Variants in SNAPC3 observed in about 807,000 individuals in gnomAD.
SNAPC3 encodes small nuclear RNA activating complex polypeptide 3.
SNAPC3 carries 56 observed loss-of-function variants against 47.7 expected under a neutral mutation model. The ratio of observed to expected loss-of-function variants is 1.18; its 90% CI spans 0.95 to 1.47. The LOEUF (loss-of-function observed/expected upper bound fraction) is 1.47, where lower values mean the gene tolerates loss of function less well. Among genes scored for constraint, SNAPC3 ranks in the 40% most tolerant of loss-of-function variants. The probability of loss-of-function intolerance (pLI) is 0.00; values close to 1 mark genes in which losing one functional copy is unlikely to be tolerated. For synonymous variants in SNAPC3, 235 were observed against 189.9 expected, an observed-to-expected ratio of 1.24 and a Z score of -1.95; for missense variants, 665 against 511.3, an observed-to-expected ratio of 1.30 and a Z score of -2.90.
intron 5 of SNAPC3, among the ~76,000 whole-genome samples, chr9:15,451,112 TG>T (rs1189140155): frequency 6.6e-6 from 1 of 152,204 alleles, no homozygotes; most frequent in Non-Finnish European, 1.5e-5. Context: ...GATTTCTAAT[TG>T]GGTTCCTTTC....
Position 15,444,522 on chromosome 9 carries a change from C to T in SNAPC3, c.478-80C>T, listed in dbSNP as rs2033767862. ...AACCCAAGGCTGCTTGACTCGATCC[C>T]TTGCTGATAGCCATTGTACCACACT... is the stretch of plus-strand genomic sequence containing the variant. On this transcript the variant is annotated intron_variant, in intron 3 of 8. Transcript: ENST00000380821. 3.5e-6 allele frequency: 3 copies of T among 864,378 alleles called. No individual in the cohort carries two copies. In the South Asian group the frequency reaches 4.6e-5, roughly 13 times the overall value. 53.5% of individuals were successfully genotyped at this position (864,378 alleles called of 1,614,324 possible). A position where few individuals can be genotyped will look rare whatever the true frequency, so the allele number is the denominator to read the frequency against.
At chr9:15,465,536 G>A (rs2035561995), downstream of SNAPC3, 4 of 1,577,422 alleles carry the variant, frequency 2.5e-6, no homozygotes, top group East Asian at 9.0e-5. Flanking sequence ...ATCTAGTGTA[G>A]AATCCTTCAG....
At chr9:15,464,899 C>G (rs2035507326), downstream of SNAPC3, 1 of 214,664 alleles carries the variant, frequency 4.7e-6, no homozygotes, top group African/African-American at 2.3e-5. Context: ...ATTCTCAGTT[C>G]CATGTCAGTT....
chr9:15,440,524 C>A (rs577133616), intron 3 of SNAPC3, among the ~76,000 whole-genome samples: 1 of 151,806 alleles, frequency 6.6e-6, no homozygotes, highest in South Asian at 2.1e-4. Context: ...AAAAGAAAAA[C>A]AAAAGTAAAA....
At position 15,423,068 on chromosome 9, in the gene SNAPC3, G is replaced by T; in HGVS notation, c.189G>T (p.Leu63=). The change falls in exon 1 of 9, where the codon CTG becomes CTT. Residue 63 remains leucine (L), a synonymous_variant. Transcript: ENST00000380821. ...GRLRGAGDLS[L]REPPASALPG... ...TGCGCGGGGCCGGGGACTTGTCGCT[G>T]AGGGAGCCGCCGGCATCCGCTCTGC... 3 of 1,517,666 alleles carry T rather than the reference G, an allele frequency of 2.0e-6. No homozygotes were observed. The highest frequency in any genetic ancestry group is 2.6e-6 in the Non-Finnish European group (3 of 1,141,572). The allele number at this position is 1,517,666 out of a possible 1,614,324, so 94.0% of individuals were successfully genotyped here. A position where few individuals can be genotyped will look rare whatever the true frequency, so the allele number is the denominator to read the frequency against.
chr9:15,465,372 T>G (rs2035546363), downstream of SNAPC3: 1 of 661,074 alleles, frequency 1.5e-6, no homozygotes. Context: ...AATGTTTACT[T>G]TACTTTAAAA....
downstream of SNAPC3, chr9:15,463,778 C>T (rs1395279128): frequency 6.6e-6 from 1 of 152,178 alleles, no homozygotes; most frequent in Non-Finnish European, 1.5e-5. Context: ...TCAGCCTGTA[C>T]AAGCTGACAT....
intron 2 of SNAPC3, among the ~76,000 whole-genome samples, chr9:15,425,409 G>A (rs901652554): frequency 6.6e-5 from 10 of 151,938 alleles, no homozygotes; most frequent in Admixed American, 1.3e-4. Flanking sequence ...TTGTAGAGAC[G>A]GGTTTCACCA....
At chr9:15,430,330 G>T (rs747556767) in intron 2 of SNAPC3, among the ~76,000 whole-genome samples, 13 of 152,168 alleles carry the variant, frequency 8.5e-5, no homozygotes, top group Non-Finnish European at 1.2e-4. Flanking sequence ...TACTCAGGAA[G>T]CCAGGGTGGA....
At chr9:15,452,322 A>AT (rs35695129) in intron 6 of SNAPC3, among the ~76,000 whole-genome samples, 86,020 of 140,408 alleles carry the variant, frequency 0.61, 27,292 homozygotes, top group African/African-American at 0.68. Context: ...TGGTTTCAGC[A>AT]TTTTTTTTTT....
chr9:15,457,537 G>A (rs1485324290), intron 7 of SNAPC3, among the ~76,000 whole-genome samples: 1 of 152,138 alleles, frequency 6.6e-6, no homozygotes, highest in Non-Finnish European at 1.5e-5. Context: ...TGAGGCTACA[G>A]TAAGCCAAGA....
chr9:15,437,757 T>A (rs2032967142), intron 3 of SNAPC3, among the ~76,000 whole-genome samples: 1 of 152,034 alleles, frequency 6.6e-6, no homozygotes, highest in Non-Finnish European at 1.5e-5. Flanking sequence ...AAAATTGTAA[T>A]CATAAAAAGT....
intron 3 of SNAPC3, among the ~76,000 whole-genome samples, chr9:15,438,149 A>G (rs1183938396): frequency 6.6e-6 from 1 of 151,662 alleles, no homozygotes; most frequent in East Asian, 1.9e-4. Flanking sequence ...TGCTGATTCA[A>G]CCTCCTTACT....
chr9:15,423,217 T>C, intron 1 of SNAPC3, 24 bp downstream of exon 1: 2 of 1,554,800 alleles, frequency 1.3e-6, no homozygotes. Flanking sequence ...AAAGGGGCTC[T>C]TGCAGCTTGG....
At position 15,432,229 on chromosome 9, in the gene SNAPC3, G is replaced by C. The variant is rs549026024; in HGVS notation, c.393-1323G>C. ...ATCCTGTGGTTTTAGTTTGGGATCAGAAGTATCAGTATAAACTCATAGTTT... is the reference window on the plus strand; with the variant it reads ...ATCCTGTGGTTTTAGTTTGGGATCACAAGTATCAGTATAAACTCATAGTTT... On this transcript the variant is annotated intron_variant, in intron 2 of 8. Transcript: ENST00000380821. Among the ~76,000 whole-genome samples the C allele has an allele frequency of 7.2e-5, 11 of 152,286 alleles. No homozygotes were observed. In the East Asian group the frequency reaches 1.9e-3, roughly 27 times the overall value.
intron 2 of SNAPC3, among the ~76,000 whole-genome samples, chr9:15,428,149 C>CAT: frequency 1.4e-5 from 2 of 145,824 alleles, no homozygotes; most frequent in Admixed American, 1.4e-4. Context: ...AAACAGCTCT[C>CAT]ATATATCTGA....
intron 3 of SNAPC3, among the ~76,000 whole-genome samples, chr9:15,439,792 C>T (rs2033161252): frequency 6.6e-6 from 1 of 152,162 alleles, no homozygotes; most frequent in Non-Finnish European, 1.5e-5. Context: ...CCTCAGTCTC[C>T]CAAAGTGCTG....
chr9:15,445,751 T>G (rs2033879896), intron 4 of SNAPC3, among the ~76,000 whole-genome samples: 1 of 152,064 alleles, frequency 6.6e-6, no homozygotes, highest in Admixed American at 6.6e-5. Context: ...GAGTTCAAGA[T>G]CAGCCTAGAC....
intron 7 of SNAPC3, among the ~76,000 whole-genome samples, chr9:15,454,242 A>AAT (rs916973829): frequency 2.0e-5 from 3 of 151,974 alleles, no homozygotes; most frequent in African/African-American, 7.2e-5. Context: ...AAAAAAAAAA[A>AAT]AGAAAAAAAG....
Sources: gnomAD v4.1 joint callset for allele counts (sites outside exome capture counted in the v4.1 genomes callset) on GRCh38, gnomAD v4.1.1 for gene constraint, MANE v1.5 for transcripts, NCBI Gene and HGNC (gene_info 2026-07-23, HGNC 2026-07-21) for gene names.